CFAP57: variants seen among roughly 807,000 people sequenced by gnomAD.
The protein encoded by CFAP57 is cilia and flagella associated protein 57.
Under a neutral mutation model 146.8 loss-of-function variants are expected in CFAP57, and 116 were observed. The ratio of observed to expected loss-of-function variants is 0.79; its 90% CI spans 0.68 to 0.92. The LOEUF (loss-of-function observed/expected upper bound fraction) is 0.92, where lower values mean the gene tolerates loss of function less well. CFAP57 is among the 40% of genes least tolerant of loss of function. CFAP57 has a pLI of 0.00. For missense variants in CFAP57, 1,377 were observed against 1,527.2 expected (o/e 0.90, Z 1.64); for synonymous variants, 518 against 552.8 (o/e 0.94, Z 0.88).
In CFAP57 at chr1:43,209,738, C is replaced by T. The variant is rs1387506720; in HGVS notation, c.1756-5C>T. The T allele has an allele frequency of 4.3e-6, 7 of 1,613,540 alleles. No individual in the cohort carries two copies. The Admixed American group carries it at 1.0e-4, about 23-fold the overall frequency. On this transcript the variant is annotated splice_region_variant and splice_polypyrimidine_tract_variant and intron_variant, in intron 10 of 22. Coordinates refer to ENST00000372492, the MANE Select transcript of CFAP57 (RefSeq NM_001378189.1). ...TCACACTGAGCAGAGCTGCCTGTGT[C>T]TCAGATCCTTCGAGAGATATCGGCG...
At chr1:43,181,896 A>T in intron 3 of CFAP57, 46 bp downstream of exon 3, 1 of 1,582,486 alleles carries the variant, frequency 6.3e-7, no homozygotes, top group Non-Finnish European at 8.7e-7. Flanking sequence ...AAAAAATAGA[A>T]CTACTTTTTA....
rs1173169663 is a variant in CFAP57 at position 43,201,672 on chromosome 1, A to G, written c.1542+2169A>G. 3.9e-5 allele frequency among the ~76,000 whole-genome samples: 6 copies of G among 152,094 alleles called. No individual in the cohort carries two copies. The highest frequency in any genetic ancestry group is 8.8e-5 in the Non-Finnish European group (6 of 68,010). ...CTTTCGTTGCCCAGGCTGGAGTGCA[A>G]TGGCACAATCTCAGCTCACCGCAAC... On this transcript the variant is annotated intron_variant, in intron 9 of 22. Coordinates refer to ENST00000372492, the MANE Select transcript of CFAP57 (RefSeq NM_001378189.1). This position sits in a 1 kb window ranked among gnomAD's most constrained non-coding sequence, Gnocchi z 4.4.
At chr1:43,234,471 T>A in intron 20 of CFAP57, 24 bp from the exon 21 acceptor site, 1 of 1,543,554 alleles carries the variant, frequency 6.5e-7, no homozygotes, top group Non-Finnish European at 8.8e-7. Context: ...TCTCCCTCAC[T>A]GAGAATCTCC....
rs1422604049 is a variant in CFAP57, at chr1:43,238,483, G to A, written c.3405+3845G>A. ...GACCCCAGGTCAGATTTCCTCTGCAGCTGTGTAGACCTGGGTGGGGGTCTG... is the reference window on the plus strand; with the variant it reads ...GACCCCAGGTCAGATTTCCTCTGCAACTGTGTAGACCTGGGTGGGGGTCTG... On this transcript the variant is annotated intron_variant, in intron 21 of 22. Transcript: ENST00000372492. The surrounding 1 kb of genome is among the most constrained non-coding windows in gnomAD (Gnocchi z 4.3). 6.6e-6 allele frequency among the ~76,000 whole-genome samples: 1 copy of A among 152,176 alleles called. No homozygotes were observed. The highest frequency in any genetic ancestry group is 2.4e-5 in the African/African-American group (1 of 41,422).
chr1:43,247,376 C>T (rs1228763858), intron 22 of CFAP57, among the ~76,000 whole-genome samples: 2 of 152,162 alleles, frequency 1.3e-5, no homozygotes, highest in Admixed American at 1.3e-4. Flanking sequence ...CTTAAGTCCA[C>T]CAATATCACC....
intron 6 of CFAP57, among the ~76,000 whole-genome samples, chr1:43,189,282 C>T (rs1029411267): frequency 1.3e-5 from 2 of 152,200 alleles, no homozygotes; most frequent in African/African-American, 4.8e-5. Flanking sequence ...CTACAAGAAG[C>T]CATCTGGGAT....
At chr1:43,187,151 T>C (rs566542422) in intron 6 of CFAP57, among the ~76,000 whole-genome samples, 197 of 152,348 alleles carry the variant, frequency 1.3e-3, no homozygotes, top group Non-Finnish European at 2.5e-3. Context: ...AGGCATTTAA[T>C]CTATTGCTAT....
chr1:43,182,900 A>G (rs1645473854), intron 3 of CFAP57, among the ~76,000 whole-genome samples: 1 of 152,240 alleles, frequency 6.6e-6, no homozygotes, highest in Non-Finnish European at 1.5e-5. Flanking sequence ...ACTATGGTTC[A>G]ACTTAAAATA....
intron 13 of CFAP57, among the ~76,000 whole-genome samples, 197 bp from the exon 14 acceptor site, chr1:43,221,175 A>G (rs1350738138): frequency 6.6e-6 from 1 of 152,266 alleles, no homozygotes; most frequent in Non-Finnish European, 1.5e-5. Context: ...TAGGAACAGT[A>G]TAGAGCTTTT....
chr1:43,198,662 C>G lies in CFAP57; in HGVS notation c.1428+16C>G. ...ATGCGGAGAGGTAAAAAAAAAACTG[C>G]TGAAGACAAAAGTCCAGTTTCTTAG... On this transcript the variant is annotated intron_variant, in intron 8 of 22. Coordinates refer to ENST00000372492, the MANE Select transcript of CFAP57 (RefSeq NM_001378189.1). 1 of 1,612,744 alleles carries G rather than the reference C, an allele frequency of 6.2e-7. No homozygotes were observed. Among genetic ancestry groups the G allele is most frequent in the East Asian group, 2.2e-5 (1 of 44,854 alleles).
At chr1:43,250,232 C>T (rs1646288892) in intron 22 of CFAP57, 1 of 152,132 alleles carries the variant, frequency 6.6e-6, no homozygotes, top group African/African-American at 2.4e-5. Context: ...AGAACTCTAG[C>T]CATGAAATGC....
chr1:43,253,513 A>G (rs1646371284), intron 22 of CFAP57, among the ~76,000 whole-genome samples: 1 of 150,424 alleles, frequency 6.6e-6, no homozygotes, highest in Non-Finnish European at 1.5e-5. Flanking sequence ...AGGATGACTC[A>G]GGGGAGAAAG....
intron 18 of CFAP57, 70 bp downstream of exon 18, chr1:43,227,196 C>T: frequency 1.4e-6 from 2 of 1,423,448 alleles, no homozygotes; most frequent in Admixed American, 5.7e-5. Flanking sequence ...GGCTAGCTGG[C>T]CTCAGGGACT....
At chr1:43,246,845 C>G (rs981904870) in intron 22 of CFAP57, among the ~76,000 whole-genome samples, 2 of 152,170 alleles carry the variant, frequency 1.3e-5, no homozygotes, top group Non-Finnish European at 2.9e-5. Flanking sequence ...TTAAAAATTA[C>G]TAGAAAGTCT....
At chr1:43,219,332 G>A (rs1644956242) in intron 12 of CFAP57, 50 bp from the exon 13 acceptor site, 1 of 1,515,160 alleles carries the variant, frequency 6.6e-7, no homozygotes, top group Non-Finnish European at 8.9e-7. Context: ...TAAATATTCT[G>A]AGTCACCCTT....
At chr1:43,222,415 T>G (rs1645080620) in intron 15 of CFAP57, 120 bp downstream of exon 15, 2 of 892,974 alleles carry the variant, frequency 2.2e-6, no homozygotes, top group Non-Finnish European at 3.1e-6. Flanking sequence ...CAGACATGGT[T>G]TCTACCCCCA....
At chr1:43,212,723 A>G (rs1644667207) in intron 11 of CFAP57, among the ~76,000 whole-genome samples, 1 of 152,130 alleles carries the variant, frequency 6.6e-6, no homozygotes, top group African/African-American at 2.4e-5. Flanking sequence ...ACTTGAGGTC[A>G]GGAGTTTGAG....
intron 22 of CFAP57, among the ~76,000 whole-genome samples, chr1:43,248,918 G>C (rs1477734682): frequency 1.3e-5 from 2 of 151,502 alleles, no homozygotes; most frequent in Non-Finnish European, 2.9e-5. Context: ...GTCTCACTCT[G>C]TCACCCAGGC....
chr1:43,249,338 T>C (rs1295114297), intron 22 of CFAP57, among the ~76,000 whole-genome samples: 1 of 151,864 alleles, frequency 6.6e-6, no homozygotes, highest in Non-Finnish European at 1.5e-5. Context: ...TTCTTCATTT[T>C]TAACAGTTTA....
Sources: gnomAD v4.1 joint callset for allele counts (sites outside exome capture counted in the v4.1 genomes callset) on GRCh38, gnomAD v4.1.1 for gene constraint, Gnocchi (gnomAD v3.1) non-coding constraint, MANE v1.5 for transcripts, NCBI Gene and HGNC (gene_info 2026-07-23, HGNC 2026-07-21) for gene names.